FADD: variants seen among roughly 807,000 people sequenced by gnomAD.
FADD encodes FAS-associated death domain protein.
Under a neutral mutation model 5.8 loss-of-function variants are expected in FADD, and 3 were observed. That is an observed-to-expected ratio of 0.52 (90% CI 0.24 to 1.34). The LOEUF is 1.34. Among genes scored for constraint, FADD ranks in the 40% most tolerant of loss-of-function variants. The pLI is 0.17. For missense variants in FADD, 249 were observed against 286.7 expected (o/e 0.87, Z 0.95); for synonymous variants, 138 against 130.8 (o/e 1.06, Z -0.38).
At chr11:70,206,059 A>G in intron 1 of FADD, 74 bp from the exon 2 acceptor site, 1 of 1,336,112 alleles carries the variant, frequency 7.5e-7, no homozygotes, top group Non-Finnish European at 1.1e-6. Context: ...GTCTGTGCTG[A>G]AAAGCCCTAG....
rs780299608 is a variant in FADD, at chr11:70,206,211, C to CA, written c.366dup (p.Asp123ArgfsTer53). Reference sequence around the variant, plus strand: ...AGGCTGGCTCGTCAGCTCAAAGTCTCAGACACCAAGATCGACAGCATCGAG... The same window carrying CA: ...AGGCTGGCTCGTCAGCTCAAAGTCTCAAGACACCAAGATCGACAGCATCGAG... On this transcript the variant is annotated frameshift_variant, in exon 2 of 2. Transcript: ENST00000301838. LOFTEE classifies it low-confidence loss of function (END_TRUNC). 3 of 1,614,172 alleles carry CA rather than the reference C, an allele frequency of 1.9e-6. No individual in the cohort carries two copies. Among genetic ancestry groups the CA allele is most frequent in the Non-Finnish European group, 2.5e-6 (3 of 1,180,036 alleles).
chr11:70,207,263 C>G lies in FADD; in HGVS notation c.*790C>G, dbSNP rs1251439353. The G allele has an allele frequency of 1.3e-5, 2 of 152,132 alleles. No homozygotes were observed. The highest frequency in any genetic ancestry group is 2.9e-5 in the Non-Finnish European group (2 of 68,040). 9.4% of individuals were successfully genotyped at this position (152,132 alleles called of 1,614,324 possible). On this transcript the variant is annotated 3_prime_UTR_variant, in exon 2 of 2. Coordinates refer to ENST00000301838, the MANE Select transcript of FADD (RefSeq NM_003824.4). ...TCTACAGTTTCTTACTGTTTTGTAT[C>G]AAAATCACTATCTTTCTGATAACAG...
chr11:70,206,124 C>G lies in FADD; in HGVS notation c.287-9C>G, dbSNP rs929839114. 3 of 1,611,350 alleles carry G rather than the reference C, an allele frequency of 1.9e-6. No homozygotes were observed. Among genetic ancestry groups the G allele is most frequent in the Non-Finnish European group, 8.5e-7 (1 of 1,177,940 alleles). The stretch of plus-strand genomic sequence containing the variant: ...CCTATGGTAAACCGTTCTGTTCTTT[C>G]CTTCCCAGACCTGTGTGCAGCATTT... On this transcript the variant is annotated splice_polypyrimidine_tract_variant and intron_variant, in intron 1 of 1. Transcript: ENST00000301838.
Position 70,203,527 on chromosome 11 carries a change from T to G in FADD, c.68T>G (p.Leu23Arg). 1 of 1,611,514 alleles carries G rather than the reference T, an allele frequency of 6.2e-7. No individual in the cohort carries two copies. Among genetic ancestry groups the G allele is most frequent in the Non-Finnish European group, 8.5e-7 (1 of 1,179,320 alleles). ...SSLSSSELTELKFLCLGRVGK... is the reference protein window; with the variant it reads ...SSLSSSELTERKFLCLGRVGK... ...CTGTCGAGCAGCGAGCTGACCGAGC[T>G]CAAGTTCCTATGCCTCGGGCGCGTG... Residue 23 changes from leucine to arginine, a missense_variant, in exon 1 of 2, where the codon CTC becomes CGC. Physicochemically the swap from Leu to Arg is moderately radical, Grantham distance 102. Transcript: ENST00000301838.
chr11:70,204,289 C>T (rs1045722890), intron 1 of FADD, among the ~76,000 whole-genome samples: 2 of 152,224 alleles, frequency 1.3e-5, no homozygotes, highest in Non-Finnish European at 2.9e-5. Flanking sequence ...TCGAAATGCG[C>T]AGCCGATAAC....
chr11:70,203,390 G>C lies in FADD; in HGVS notation c.-70G>C. 4 of 1,543,798 alleles carry C rather than the reference G, an allele frequency of 2.6e-6. No homozygotes were observed. Among genetic ancestry groups the C allele is most frequent in the Non-Finnish European group, 3.5e-6 (4 of 1,144,780 alleles). ...TGGGCAAGCGGCGAGACCTGGCCAG[G>C]GCCAGCGAGCCGAGGACAGAGGGCG... On this transcript the variant is annotated 5_prime_UTR_variant, in exon 1 of 2. Transcript: ENST00000301838.
chr11:70,206,778 CT>C lies in FADD; in HGVS notation c.*306del. On this transcript the variant is annotated 3_prime_UTR_variant, in exon 2 of 2. Coordinates refer to ENST00000301838, the MANE Select transcript of FADD (RefSeq NM_003824.4). ...GAACCGTGTCCAGCACAGAAGGAATCTGTGCAGATGAGCAGTCACACTGTTA... is the reference window on the plus strand; with the variant it reads ...GAACCGTGTCCAGCACAGAAGGAATCGTGCAGATGAGCAGTCACACTGTTA... 4.7e-6 allele frequency: 2 copies of C among 423,386 alleles called. No individual in the cohort carries two copies. The highest frequency in any genetic ancestry group is 4.2e-5 in the South Asian group (2 of 47,146). 26.2% of individuals were successfully genotyped at this position (423,386 alleles called of 1,614,324 possible).
chr11:70,203,707 A>G lies in FADD; in HGVS notation c.248A>G (p.Glu83Gly), dbSNP rs754171351. The G allele has an allele frequency of 7.6e-6, 11 of 1,451,774 alleles. No individual in the cohort carries two copies. The highest frequency in any genetic ancestry group is 2.8e-5 in the Admixed American group (1 of 35,312). 89.9% of individuals were successfully genotyped at this position (1,451,774 alleles called of 1,614,324 possible). The change falls in exon 1 of 2, where the codon GAG (glutamate) becomes GGG (glycine). Residue 83 changes from glutamate to glycine, a missense_variant. By Grantham distance (98) the Glu-to-Gly change is moderately conservative. Transcript: ENST00000301838. ...CTGCTGCGGCGCGTCGACGACTTCG[A>G]GGCGGGGGCGGCGGCCGGGGCCGCG... ...HDLLRRVDDF[E>G]AGAAAGAAPG...
Position 70,206,644 on chromosome 11 carries a change from C to T in FADD, c.*171C>T. ...GCGTTTATTAATGCCTCTCCCGCAC[C>T]AGGCCGGGCTTGGGCCCTGCACAGA... On this transcript the variant is annotated 3_prime_UTR_variant, in exon 2 of 2. Transcript: ENST00000301838. The T allele has an allele frequency of 3.1e-6, 2 of 654,730 alleles. No individual in the cohort carries two copies. The highest frequency in any genetic ancestry group is 2.7e-5 in the East Asian group (1 of 36,588). The allele number at this position is 654,730 out of a possible 1,614,324, so 40.6% of individuals were successfully genotyped here.
chr11:70,207,271 CTA>C lies in FADD; in HGVS notation c.*800_*801del, dbSNP rs1228251874. 2.0e-5 allele frequency: 3 copies of C among 152,136 alleles called. No homozygotes were observed. Among genetic ancestry groups the C allele is most frequent in the Admixed American group, 6.6e-5 (1 of 15,252 alleles). The allele number at this position is 152,136 out of a possible 1,614,324, so 9.4% of individuals were successfully genotyped here. ...TTCTTACTGTTTTGTATCAAAATCA[CTA>C]TCTTTCTGATAACAGAATTGCCAAG... On this transcript the variant is annotated 3_prime_UTR_variant, in exon 2 of 2. Transcript: ENST00000301838.
At chr11:70,204,284 A>G (rs1388232202) in intron 1 of FADD, among the ~76,000 whole-genome samples, 1 of 152,232 alleles carries the variant, frequency 6.6e-6, no homozygotes, top group Non-Finnish European at 1.5e-5. Flanking sequence ...CTTTGTCGAA[A>G]TGCGCAGCCG....
At chr11:70,204,913 G>A (rs2049447950) in intron 1 of FADD, among the ~76,000 whole-genome samples, 1 of 152,292 alleles carries the variant, frequency 6.6e-6, no homozygotes, top group East Asian at 1.9e-4. Context: ...CAGAAGGTGA[G>A]CGGTGGGTAT....
chr11:70,204,333 C>T lies in FADD; in HGVS notation c.286+588C>T, dbSNP rs369524017. On this transcript the variant is annotated intron_variant, in intron 1 of 1. Coordinates refer to ENST00000301838, the MANE Select transcript of FADD (RefSeq NM_003824.4). The stretch of plus-strand genomic sequence containing the variant: ...CTAGGCTTGAGCCAAGCAGTCCGGC[C>T]TCCGGATGGGTAGTGTTAGCCACTA... Among the ~76,000 whole-genome samples, 102 of 152,342 alleles carry T rather than the reference C, an allele frequency of 6.7e-4. No homozygotes were observed. In the East Asian group the frequency reaches 0.01, roughly 15 times the overall value.
Position 70,206,165 on chromosome 11 carries a change from A to C in FADD, c.319A>C (p.Asn107His). Residue 107 changes from asparagine to histidine, a missense_variant, in exon 2 of 2, where the codon AAT (asparagine) becomes CAT (histidine). Coordinates refer to ENST00000301838, the MANE Select transcript of FADD (RefSeq NM_003824.4). ...LCAAFNVICD[N>H]VGKDWRRLAR... ...TGCAGCATTTAACGTCATATGTGAT[A>C]ATGTGGGGAAAGATTGGAGAAGGCT... 6.2e-7 allele frequency: 1 copy of C among 1,614,090 alleles called. No homozygotes were observed. Among genetic ancestry groups the C allele is most frequent in the Non-Finnish European group, 8.5e-7 (1 of 1,179,982 alleles).
rs564633368 is a variant in FADD, at chr11:70,203,343, G to C, written c.-117G>C. ...GAATCAGGCACCGGAGTGCAGGTTC[G>C]GGGGTGGAATCCTTGGGCCGCTGGG... On this transcript the variant is annotated 5_prime_UTR_variant, in exon 1 of 2. Transcript: ENST00000301838. 8 of 1,508,006 alleles carry C rather than the reference G, an allele frequency of 5.3e-6. No individual in the cohort carries two copies. The highest frequency in any genetic ancestry group is 2.8e-5 in the African/African-American group (2 of 71,140). The allele number at this position is 1,508,006 out of a possible 1,614,324, so 93.4% of individuals were successfully genotyped here. A position where few individuals can be genotyped will look rare whatever the true frequency, so the allele number is the denominator to read the frequency against.
Position 70,203,755 on chromosome 11 carries a change from G to A in FADD, c.286+10G>A. On this transcript the variant is annotated intron_variant, in intron 1 of 1. Coordinates refer to ENST00000301838, the MANE Select transcript of FADD (RefSeq NM_003824.4). ...GCGCCTGGGGAAGAAGGTGGGCGCG[G>A]GGCCGGGCCGGGGGAGCCAGGGCCT... 7.8e-7 allele frequency: 1 copy of A among 1,283,520 alleles called. No homozygotes were observed. The highest frequency in any genetic ancestry group is 1.0e-6 in the Non-Finnish European group (1 of 1,000,056). The allele number at this position is 1,283,520 out of a possible 1,614,324, so 79.5% of individuals were successfully genotyped here. A position where few individuals can be genotyped will look rare whatever the true frequency, so the allele number is the denominator to read the frequency against.
At position 70,203,615 on chromosome 11, in the gene FADD, G is replaced by C. The variant is rs758374449; in HGVS notation, c.156G>C (p.Gln52His). Residue 52 changes from glutamine (Q) to histidine (H), a missense_variant, in exon 1 of 2, where the codon CAG becomes CAC. Transcript: ENST00000301838. Reference sequence around the variant, plus strand: ...ACCTCTTCTCCATGCTGCTGGAGCAGAACGACCTGGAGCCCGGGCACACCG... The same window carrying C: ...ACCTCTTCTCCATGCTGCTGGAGCACAACGACCTGGAGCCCGGGCACACCG... ...GLDLFSMLLE[Q>H]NDLEPGHTEL... is the part of the protein sequence containing the mutation. The C allele has an allele frequency of 6.2e-6, 10 of 1,603,276 alleles. No individual in the cohort carries two copies. Among genetic ancestry groups the C allele is most frequent in the South Asian group, 1.1e-5 (1 of 89,958 alleles).
rs989358753 is a variant in FADD, at chr11:70,206,029, CTG to C, written c.287-102_287-101del. 3 of 979,630 alleles carry C rather than the reference CTG, an allele frequency of 3.1e-6. No homozygotes were observed. The Admixed American group carries it at 5.9e-5, about 19-fold the overall frequency. The allele number at this position is 979,630 out of a possible 1,614,324, so 60.7% of individuals were successfully genotyped here. On this transcript the variant is annotated intron_variant, in intron 1 of 1. Coordinates refer to ENST00000301838, the MANE Select transcript of FADD (RefSeq NM_003824.4). The stretch of plus-strand genomic sequence containing the variant: ...TACAGAGGACCTCGTGTAGGCACCT[CTG>C]TCCACTCAGCACTTGGCGTCTGTGC...
In FADD at chr11:70,203,416, C is replaced by T. The variant is rs750066807; in HGVS notation, c.-44C>T. ...GCCAGCGAGCCGAGGACAGAGGGCG[C>T]ACGGAGGGCCGGGCCGCAGCCCCGG... is the stretch of plus-strand genomic sequence containing the variant. On this transcript the variant is annotated 5_prime_UTR_variant, in exon 1 of 2. Transcript: ENST00000301838. The T allele has an allele frequency of 3.9e-5, 61 of 1,549,122 alleles. 1 individual carries two copies. In the South Asian group the frequency reaches 6.2e-4, roughly 16 times the overall value.
Sources: gnomAD v4.1 joint callset for allele counts (sites outside exome capture counted in the v4.1 genomes callset) on GRCh38, gnomAD v4.1.1 for gene constraint, MANE v1.5 for transcripts, NCBI Gene and HGNC (gene_info 2026-07-23, HGNC 2026-07-21) for gene names.